CSTPP1: variants seen among roughly 807,000 people sequenced by gnomAD.
The protein encoded by CSTPP1 is UPF0705 protein C11orf49.
chr11:47,103,113 A>C, the CSTPP1 span, among the ~76,000 whole-genome samples: 1 of 152,102 alleles, frequency 6.6e-6, no homozygotes. Flanking sequence ...AGTGTACAGC[A>C]TCGGCAGGGT....
At chr11:46,982,016 A>G in the CSTPP1 span, among the ~76,000 whole-genome samples, 2 of 152,054 alleles carry the variant, frequency 1.3e-5, no homozygotes, top group Admixed American at 6.6e-5. Context: ...ATCTATTTGT[A>G]CCTCACAAGA....
At chr11:47,058,015 T>G in the CSTPP1 span, among the ~76,000 whole-genome samples, 1 of 152,152 alleles carries the variant, frequency 6.6e-6, no homozygotes. Context: ...AATGCAAAAT[T>G]CACAAAGTCT....
chr11:46,951,897 C>T, the CSTPP1 span, among the ~76,000 whole-genome samples: 1 of 152,144 alleles, frequency 6.6e-6, no homozygotes, highest in Non-Finnish European at 1.5e-5. Flanking sequence ...CATCTCCCTG[C>T]TCCCACACCA....
chr11:46,992,954 A>G, the CSTPP1 span, among the ~76,000 whole-genome samples: 1 of 141,844 alleles, frequency 7.1e-6, no homozygotes, highest in Admixed American at 6.6e-5. Context: ...ATGGTATCTC[A>G]TTGTGGTTTT....
At chr11:46,972,067 C>A in the CSTPP1 span, among the ~76,000 whole-genome samples, 1 of 152,188 alleles carries the variant, frequency 6.6e-6, no homozygotes, top group Admixed American at 6.5e-5. Flanking sequence ...CATTCAAATT[C>A]TTCTGCTCAG....
At chr11:47,118,692 C>T in the CSTPP1 span, among the ~76,000 whole-genome samples, 127 of 152,318 alleles carry the variant, frequency 8.3e-4, no homozygotes, top group Non-Finnish European at 1.6e-3. Context: ...TGTTAGTTTT[C>T]CTTCTAACAG....
At chr11:47,006,708 C>G in the CSTPP1 span, among the ~76,000 whole-genome samples, 1 of 151,488 alleles carries the variant, frequency 6.6e-6, no homozygotes, top group Non-Finnish European at 1.5e-5. Flanking sequence ...CCTCACTCAG[C>G]CTCCCAAGTG....
the CSTPP1 span, among the ~76,000 whole-genome samples, chr11:47,051,287 G>A: frequency 9.8e-5 from 15 of 152,306 alleles, no homozygotes; most frequent in African/African-American, 3.1e-4. Context: ...CACTCTGGTA[G>A]GGATGATTAC....
chr11:47,028,152 C>T, the CSTPP1 span, among the ~76,000 whole-genome samples: 5 of 151,986 alleles, frequency 3.3e-5, no homozygotes, highest in African/African-American at 4.8e-5. Flanking sequence ...CTCGATCTCC[C>T]GACCTTGTGA....
the CSTPP1 span, among the ~76,000 whole-genome samples, chr11:47,120,125 G>A: frequency 5.9e-5 from 9 of 152,070 alleles, no homozygotes; most frequent in African/African-American, 1.7e-4. This position sits in a 1 kb window ranked among gnomAD's most constrained non-coding sequence, Gnocchi z 4.2. Context: ...TTGACCCCAG[G>A]GATTCTGATT....
At chr11:47,159,962 T>A in the CSTPP1 span, 2 of 316,632 alleles carry the variant, frequency 6.3e-6, no homozygotes, top group Admixed American at 8.7e-5. Flanking sequence ...CAAGATCGCA[T>A]CATTGCATTT....
chr11:47,021,935 G>A, the CSTPP1 span, among the ~76,000 whole-genome samples: 3 of 152,014 alleles, frequency 2.0e-5, no homozygotes, highest in Non-Finnish European at 4.4e-5. Flanking sequence ...TGTGGCCCAG[G>A]TGCTGGCAGC....
chr11:47,107,275 G>T, the CSTPP1 span, among the ~76,000 whole-genome samples: 1 of 152,164 alleles, frequency 6.6e-6, no homozygotes, highest in East Asian at 1.9e-4. Context: ...TTGTGAGAGC[G>T]CCCTGGAACA....
the CSTPP1 span, among the ~76,000 whole-genome samples, chr11:47,147,577 G>A: frequency 6.6e-5 from 10 of 152,210 alleles, 1 homozygote; most frequent in Admixed American, 2.0e-4. Context: ...GTCCTTCTGC[G>A]GGCAGCTGCT....
the CSTPP1 span, among the ~76,000 whole-genome samples, chr11:47,120,046 T>A: frequency 1.3e-5 from 2 of 151,984 alleles, no homozygotes; most frequent in Non-Finnish European, 2.9e-5. The surrounding 1 kb of genome is among the most constrained non-coding windows in gnomAD (Gnocchi z 4.2). Context: ...CCAAAAAATG[T>A]GCTTTCAACC....
the CSTPP1 span, among the ~76,000 whole-genome samples, chr11:47,078,765 T>G: frequency 6.6e-6 from 1 of 152,210 alleles, no homozygotes; most frequent in Non-Finnish European, 1.5e-5. Flanking sequence ...AGAGGTTCTC[T>G]GCTGAGAGTT....
chr11:46,998,695 T>A, the CSTPP1 span, among the ~76,000 whole-genome samples: 1 of 152,136 alleles, frequency 6.6e-6, no homozygotes, highest in Non-Finnish European at 1.5e-5. Context: ...TTGATTTAGT[T>A]AGTGAAAATC....
At chr11:47,087,409 C>T in the CSTPP1 span, among the ~76,000 whole-genome samples, 1 of 152,096 alleles carries the variant, frequency 6.6e-6, no homozygotes, top group Non-Finnish European at 1.5e-5. Flanking sequence ...GTTGTGAGAA[C>T]ATAAAAGATA....
the CSTPP1 span, among the ~76,000 whole-genome samples, chr11:47,099,073 A>G: frequency 6.6e-6 from 1 of 151,920 alleles, no homozygotes; most frequent in Admixed American, 6.6e-5. Context: ...TAACTCTCAA[A>G]CCTCTAAAAG....
Sources: gnomAD v4.1 joint callset for allele counts (sites outside exome capture counted in the v4.1 genomes callset) on GRCh38, gnomAD v4.1.1 for gene constraint, Gnocchi (gnomAD v3.1) non-coding constraint, MANE v1.5 for transcripts, NCBI Gene and HGNC (gene_info 2026-07-23, HGNC 2026-07-21) for gene names.